KDM2A: variants seen among roughly 807,000 people sequenced by gnomAD.
The protein encoded by KDM2A is lysine demethylase 2A, also known as lysine-specific demethylase 2A.
In KDM2A, 3 loss-of-function variants were observed where a neutral mutation model predicts 137.3. That is an observed-to-expected ratio of 0.02 (90% CI 0.01 to 0.06). The LOEUF is 0.06. Ranked by LOEUF, KDM2A falls within the 10% of genes least tolerant of loss-of-function variation. The probability of loss-of-function intolerance (pLI) is 1.00; values close to 1 mark genes in which losing one functional copy is unlikely to be tolerated. For missense variants in KDM2A, 738 were observed against 1,510.6 expected, an observed-to-expected ratio of 0.49 and a Z score of 8.48; for synonymous variants, 512 against 541.5, an observed-to-expected ratio of 0.95 and a Z score of 0.76.
In KDM2A at chr11:67,255,725, GTC is replaced by G; in HGVS notation, c.*674_*675del. 2.6e-6 allele frequency: 1 copy of G among 384,420 alleles called. No homozygotes were observed. Among genetic ancestry groups the G allele is most frequent in the East Asian group, 7.3e-5 (1 of 13,752 alleles). 23.8% of individuals were successfully genotyped at this position (384,420 alleles called of 1,614,324 possible). On this transcript the variant is annotated 3_prime_UTR_variant, in exon 21 of 21. Transcript: ENST00000529006. ...CCCAGCCTACCCGACTTACTTGCTA[GTC>G]TCTATGAGGTCCTTATTGCACTTAT...
At chr11:67,136,706 G>T (rs1352852615) in intron 2 of KDM2A, among the ~76,000 whole-genome samples, 1 of 152,056 alleles carries the variant, frequency 6.6e-6, no homozygotes, top group African/African-American at 2.4e-5. Flanking sequence ...ACCAGGTCTG[G>T]GGCCCTAGGT....
chr11:67,177,275 T>C (rs1001453968), intron 2 of KDM2A, among the ~76,000 whole-genome samples: 7 of 152,046 alleles, frequency 4.6e-5, no homozygotes, highest in African/African-American at 1.4e-4. Context: ...CAAAAAAATA[T>C]TACTACTACT....
chr11:67,226,518 C>G (rs184101846), intron 10 of KDM2A, among the ~76,000 whole-genome samples: 1 of 152,102 alleles, frequency 6.6e-6, no homozygotes, highest in Non-Finnish European at 1.5e-5. Context: ...GTCAGGAGAT[C>G]GAGACCATCC....
At position 67,188,354 on chromosome 11, in the gene KDM2A, C is replaced by T. The variant is rs547281704; in HGVS notation, c.307+6462C>T. Among the ~76,000 whole-genome samples, 11 of 151,796 alleles carry T rather than the reference C, an allele frequency of 7.2e-5. No individual in the cohort carries two copies. In the East Asian group the frequency reaches 1.2e-3, roughly 16 times the overall value. ...AATATTAGCCGGGTGTGGTGGCAGG[C>T]GCCTGTAGTCCCAGCGACTCGGGAG... is the stretch of plus-strand genomic sequence containing the variant. On this transcript the variant is annotated intron_variant, in intron 5 of 20. Coordinates refer to ENST00000529006, the MANE Select transcript of KDM2A (RefSeq NM_012308.3).
rs564230432 is a variant in KDM2A, at chr11:67,187,636, G to A, written c.307+5744G>A. On this transcript the variant is annotated intron_variant, in intron 5 of 20. Coordinates refer to ENST00000529006, the MANE Select transcript of KDM2A (RefSeq NM_012308.3). ...GTTGCCAAGGCTGGTGTGCAGTGGT[G>A]CAGTCTCGACTCACTGCAACCTCTG... Among the ~76,000 whole-genome samples the A allele has an allele frequency of 1.3e-4, 20 of 151,834 alleles. 1 individual carries two copies. The highest frequency in any genetic ancestry group is 2.6e-4 in the Non-Finnish European group (18 of 67,976).
chr11:67,171,114 C>T (rs928855416), intron 2 of KDM2A, among the ~76,000 whole-genome samples: 14 of 152,104 alleles, frequency 9.2e-5, no homozygotes, highest in African/African-American at 3.4e-4. Context: ...CATTTAGACT[C>T]CTTTGTGCCT....
chr11:67,213,665 A>G (rs1215211248), intron 6 of KDM2A, among the ~76,000 whole-genome samples: 2 of 150,712 alleles, frequency 1.3e-5, no homozygotes, highest in African/African-American at 4.9e-5. Context: ...AGGCTGAGGC[A>G]GGAGAATTGC....
intron 13 of KDM2A, among the ~76,000 whole-genome samples, chr11:67,244,867 T>A (rs1299925764): frequency 6.6e-6 from 1 of 151,790 alleles, no homozygotes. Flanking sequence ...GCACCTGTAG[T>A]CCCAGCTACT....
chr11:67,169,700 C>T (rs1484202654), intron 2 of KDM2A, among the ~76,000 whole-genome samples: 8 of 145,460 alleles, frequency 5.5e-5, no homozygotes, highest in Admixed American at 4.1e-4. Flanking sequence ...TTTTTTCTTT[C>T]TTTTTTCTTT....
At position 67,146,072 on chromosome 11, in the gene KDM2A, A is replaced by G. The variant is rs200258064; in HGVS notation, c.42+24714A>G. ...AGTGGCGCGATCTCAGCTCACTGCA[A>G]CCTCCACCTCCCGGGTTCAAGCGAT... On this transcript the variant is annotated intron_variant, in intron 2 of 20. Transcript: ENST00000529006. Among the ~76,000 whole-genome samples the G allele has an allele frequency of 2.7e-5, 4 of 148,476 alleles. No individual in the cohort carries two copies. In the South Asian group the frequency reaches 6.4e-4, roughly 24 times the overall value.
intron 2 of KDM2A, among the ~76,000 whole-genome samples, chr11:67,172,555 C>T (rs1856900146): frequency 6.7e-6 from 1 of 149,702 alleles, no homozygotes; most frequent in East Asian, 1.9e-4. Flanking sequence ...TTTTCAACTT[C>T]ATCTTGGGAT....
intron 2 of KDM2A, among the ~76,000 whole-genome samples, chr11:67,149,801 A>G (rs1590724814): frequency 6.6e-6 from 1 of 151,542 alleles, no homozygotes; most frequent in East Asian, 1.9e-4. Context: ...GCTCACTGCA[A>G]CCTCGGCCTC....
chr11:67,252,722 A>G lies in KDM2A; in HGVS notation c.2797A>G (p.Ile933Val), dbSNP rs908714690. The G allele has an allele frequency of 2.5e-6, 4 of 1,613,834 alleles. No individual in the cohort carries two copies. Among genetic ancestry groups the G allele is most frequent in the African/African-American group, 1.3e-5 (1 of 74,904 alleles). ...CTGCGACAAGAGACTTTGGACAAAAATTGACTTGAGTAGGTGTAAGGCCAT... is the reference window on the plus strand; with the variant it reads ...CTGCGACAAGAGACTTTGGACAAAAGTTGACTTGAGTAGGTGTAAGGCCAT... Reference protein sequence around the residue: ...WCCDKRLWTKIDLSRCKAIVP... With the variant: ...WCCDKRLWTKVDLSRCKAIVP... Residue 933 changes from isoleucine (I) to valine (V), a missense_variant, in exon 18 of 21, where the codon ATT becomes GTT. This residue lies in a region of KDM2A where 166 missense variants were observed against 324.0 expected (regional missense o/e 0.51). Coordinates refer to ENST00000529006, the MANE Select transcript of KDM2A (RefSeq NM_012308.3).
chr11:67,148,944 T>C (rs1856319474), intron 2 of KDM2A: 1 of 152,182 alleles, frequency 6.6e-6, no homozygotes. Context: ...ATTACAGATC[T>C]ACTTAAATCT....
chr11:67,239,966 C>T lies in KDM2A; in HGVS notation c.1480-3043C>T, dbSNP rs574842247. The T allele has an allele frequency of 4.7e-5, 47 of 999,550 alleles. No homozygotes were observed. In the Admixed American group the frequency reaches 1.3e-3, roughly 28 times the overall value. 61.9% of individuals were successfully genotyped at this position (999,550 alleles called of 1,614,324 possible). ...AAGAAAGCAGTTGCTGAACACACCCCCTCCCGGCTCTGCAGCAGAACGGCT... is the reference window on the plus strand; with the variant it reads ...AAGAAAGCAGTTGCTGAACACACCCTCTCCCGGCTCTGCAGCAGAACGGCT... On this transcript the variant is annotated intron_variant, in intron 12 of 20. Transcript: ENST00000529006.
intron 2 of KDM2A, among the ~76,000 whole-genome samples, chr11:67,130,712 T>G (rs1195640254): frequency 6.6e-6 from 1 of 152,208 alleles, no homozygotes; most frequent in Admixed American, 6.6e-5. Flanking sequence ...AATAATACTT[T>G]ATTTTTGCAT....
intron 2 of KDM2A, among the ~76,000 whole-genome samples, chr11:67,177,140 G>A (rs973170442): frequency 1.3e-5 from 2 of 151,536 alleles, no homozygotes; most frequent in East Asian, 1.9e-4. Flanking sequence ...AGGCTGAGGC[G>A]AGAGAATCCC....
chr11:67,212,115 C>A (rs1471042145), intron 6 of KDM2A, among the ~76,000 whole-genome samples: 1 of 152,044 alleles, frequency 6.6e-6, no homozygotes, highest in Non-Finnish European at 1.5e-5. Context: ...GGCAATGTGG[C>A]AAGACCCAGT....
At chr11:67,242,056 A>T (rs186768578) in intron 12 of KDM2A, among the ~76,000 whole-genome samples, 74 of 152,380 alleles carry the variant, frequency 4.9e-4, no homozygotes, top group African/African-American at 1.7e-3. Flanking sequence ...CCTGAGCAAC[A>T]GAGTGAGACT....
Sources: allele counts gnomAD v4.1 joint callset (sites outside exome capture counted in the v4.1 genomes callset), GRCh38; gene constraint gnomAD v4.1.1; regional missense constraint gnomAD v4.1.1; transcripts MANE v1.5; gene names NCBI Gene and HGNC (gene_info 2026-07-23, HGNC 2026-07-21).